Variants in DAB1 observed in about 807,000 individuals in gnomAD.
DAB1 encodes the protein DAB adaptor protein 1.
DAB1 carries 15 observed loss-of-function variants against 64.6 expected under a neutral mutation model. That is an observed-to-expected ratio of 0.23 (90% CI 0.16 to 0.36). The LOEUF (loss-of-function observed/expected upper bound fraction) is 0.36, where lower values mean the gene tolerates loss of function less well. DAB1 is among the 10% of genes least tolerant of loss of function. The pLI, the probability that DAB1 is intolerant of heterozygous loss-of-function variation, is 1.00. For synonymous variants in DAB1, 235 were observed against 251.9 expected (o/e 0.93, Z 0.64); for missense variants, 596 against 706.7 (o/e 0.84, Z 1.78).
chr1:57,326,432 G>A (rs1372534708), intron 1 of DAB1, among the ~76,000 whole-genome samples: 1 of 152,178 alleles, frequency 6.6e-6, no homozygotes, highest in Non-Finnish European at 1.5e-5. Context: ...ACGGACAGGT[G>A]ACTGAAAGAG....
intron 2 of DAB1, among the ~76,000 whole-genome samples, chr1:57,215,495 C>T (rs1484323510): frequency 4.6e-5 from 7 of 152,200 alleles, no homozygotes; most frequent in Non-Finnish European, 8.8e-5. Context: ...CAACCAGAAA[C>T]TTTCTGAGCA....
chr1:57,443,781 A>ATC (rs1686040165), intron 7 of DAB1, among the ~76,000 whole-genome samples: 1 of 152,012 alleles, frequency 6.6e-6, no homozygotes, highest in Non-Finnish European at 1.5e-5. Context: ...CACCTCCATC[A>ATC]TCTCTTCTGC....
At chr1:57,237,132 G>C (rs1047090941) in intron 2 of DAB1, among the ~76,000 whole-genome samples, 8 of 152,170 alleles carry the variant, frequency 5.3e-5, no homozygotes, top group African/African-American at 1.9e-4. Flanking sequence ...AGACGAGAGA[G>C]ATTGTTTCAT....
intron 5 of DAB1, among the ~76,000 whole-genome samples, chr1:58,040,902 A>G (rs916553595): frequency 6.6e-6 from 1 of 152,052 alleles, no homozygotes; most frequent in Non-Finnish European, 1.5e-5. Flanking sequence ...ATTGTGTCCA[A>G]CCTCCTAAAG....
intron 3 of DAB1, among the ~76,000 whole-genome samples, chr1:58,351,159 G>A (rs1286030041): frequency 1.3e-5 from 2 of 152,100 alleles, no homozygotes; most frequent in Admixed American, 6.5e-5. Flanking sequence ...AGTTCTCCTT[G>A]AAGAGGTCCT....
intron 7 of DAB1, among the ~76,000 whole-genome samples, chr1:57,632,447 C>CT (rs1646001376): frequency 6.6e-6 from 1 of 152,158 alleles, no homozygotes; most frequent in Admixed American, 6.5e-5. Context: ...CTCTATGAGA[C>CT]TAGAAGCAGA....
intron 6 of DAB1, among the ~76,000 whole-genome samples, chr1:57,729,823 G>A (rs996954178): frequency 1.3e-5 from 2 of 152,158 alleles, no homozygotes; most frequent in African/African-American, 4.8e-5. Context: ...TGCTTTAAGA[G>A]GCTAAGGCCA....
intron 7 of DAB1, among the ~76,000 whole-genome samples, chr1:57,577,866 C>A (rs1008311570): frequency 3.3e-5 from 5 of 152,218 alleles, no homozygotes; most frequent in Non-Finnish European, 7.3e-5. Context: ...CATCGCCTTC[C>A]CTAAGTTCTT....
intron 4 of DAB1, among the ~76,000 whole-genome samples, chr1:57,129,095 A>G (rs1657416803): frequency 6.6e-6 from 1 of 152,192 alleles, no homozygotes; most frequent in South Asian, 2.1e-4. Flanking sequence ...AGCTTAGAAA[A>G]TACTACCACC....
At chr1:57,731,279 T>C (rs1647401067) in intron 6 of DAB1, among the ~76,000 whole-genome samples, 1 of 152,092 alleles carries the variant, frequency 6.6e-6, no homozygotes, top group South Asian at 2.1e-4. Flanking sequence ...GTCAAACTCA[T>C]AAAGACAGAC....
intron 2 of DAB1, among the ~76,000 whole-genome samples, chr1:57,226,794 G>A (rs1203175095): frequency 2.0e-5 from 3 of 151,406 alleles, no homozygotes; most frequent in African/African-American, 7.3e-5. Flanking sequence ...GAACAAGGAT[G>A]ATTTAAGATT....
chr1:57,006,817 T>A (rs1646087435), intron 14 of DAB1, among the ~76,000 whole-genome samples: 1 of 152,206 alleles, frequency 6.6e-6, no homozygotes, highest in Non-Finnish European at 1.5e-5. Flanking sequence ...TCAAAGCTTA[T>A]AAAACACTTT....
At chr1:57,134,173 A>AC (rs1657872564) in intron 4 of DAB1, among the ~76,000 whole-genome samples, 4 of 152,154 alleles carry the variant, frequency 2.6e-5, no homozygotes, top group Admixed American at 6.5e-5. Context: ...ACTGATAGAA[A>AC]AGCCTTCTTA....
At chr1:58,043,570 A>C (rs1647173472) in intron 5 of DAB1, among the ~76,000 whole-genome samples, 1 of 152,168 alleles carries the variant, frequency 6.6e-6, no homozygotes, top group Non-Finnish European at 1.5e-5. Flanking sequence ...CCTACTCTAA[A>C]GCCTTCCGTG....
intron 5 of DAB1, among the ~76,000 whole-genome samples, chr1:57,946,969 C>T (rs1055149386): frequency 6.6e-6 from 1 of 152,140 alleles, no homozygotes; most frequent in Admixed American, 6.6e-5. Context: ...ATCTTAGAGT[C>T]CATTTTTCAA....
chr1:58,476,178 A>G (rs1645416752), intron 3 of DAB1, among the ~76,000 whole-genome samples: 1 of 152,162 alleles, frequency 6.6e-6, no homozygotes, highest in Non-Finnish European at 1.5e-5. Flanking sequence ...TTAACTAAAA[A>G]TTTTATATTT....
At chr1:57,324,961 C>T (rs549807934) in intron 1 of DAB1, among the ~76,000 whole-genome samples, 26 of 152,324 alleles carry the variant, frequency 1.7e-4, no homozygotes, top group African/African-American at 6.3e-4. Flanking sequence ...AGGGTGGATG[C>T]TTTATCCTGT....
intron 6 of DAB1, among the ~76,000 whole-genome samples, chr1:57,677,139 C>T (rs1646577445): frequency 6.6e-6 from 1 of 152,184 alleles, no homozygotes; most frequent in African/African-American, 2.4e-5. Context: ...TGTAAGAACA[C>T]AGCAAGAAGG....
At position 57,539,952 on chromosome 1, in the gene DAB1, G is replaced by A. The variant is rs1340121831; in HGVS notation, n.625+109640C>T. 2.0e-5 allele frequency among the ~76,000 whole-genome samples: 3 copies of A among 152,186 alleles called. No homozygotes were observed. The East Asian group carries it at 5.8e-4, about 29-fold the overall frequency. The stretch of plus-strand genomic sequence containing the variant: ...TTTTCCAGCATGAAGATGAATTAGT[G>A]AGGCTGTCCCTTAATAAACAGATGC... On this transcript the variant is annotated intron_variant and non_coding_transcript_variant, in intron 7 of 20. Coordinates refer to the DAB1 transcript ENST00000485760.
Sources: gnomAD v4.1 joint callset for allele counts (sites outside exome capture counted in the v4.1 genomes callset) on GRCh38, gnomAD v4.1.1 for gene constraint, MANE v1.5 for transcripts, NCBI Gene and HGNC (gene_info 2026-07-23, HGNC 2026-07-21) for gene names.